The following MRPS5 variants were observed in gnomAD, a reference collection of about 807,000 sequenced individuals.
MRPS5 encodes the protein mitochondrial ribosomal protein S5.
A neutral mutation model predicts 51.9 loss-of-function variants in MRPS5; 27 were observed. That is an observed-to-expected ratio of 0.52 (90% CI 0.38 to 0.72). The LOEUF (loss-of-function observed/expected upper bound fraction) is 0.72, where lower values mean the gene tolerates loss of function less well. Ranked by LOEUF, MRPS5 falls within the 30% of genes least tolerant of loss-of-function variation. The pLI is 0.00. For missense variants in MRPS5, 570 were observed against 545.7 expected (o/e 1.04, Z -0.44); for synonymous variants, 196 against 193.2 (o/e 1.01, Z -0.12).
intron 5 of MRPS5, 25 bp from the exon 6 acceptor site, chr2:95,106,482 T>C: frequency 8.1e-6 from 13 of 1,598,050 alleles, no homozygotes; most frequent in Admixed American, 1.7e-5. Flanking sequence ...GAAACAGGGA[T>C]ACAGATGAAA....
intron 5 of MRPS5, 93 bp from the exon 6 acceptor site, chr2:95,106,550 CG>C: frequency 1.9e-6 from 2 of 1,056,334 alleles, no homozygotes; most frequent in Non-Finnish European, 3.0e-6. Context: ...ACAGACCTTT[CG>C]GGGAGAAAGA....
intron 2 of MRPS5, among the ~76,000 whole-genome samples, chr2:95,116,833 C>A (rs1676297669): frequency 1.3e-5 from 2 of 152,166 alleles, no homozygotes; most frequent in Non-Finnish European, 2.9e-5. Flanking sequence ...CCCGTCTCTA[C>A]TAAAAATACA....
chr2:95,089,693 G>C (rs1429160470), intron 11 of MRPS5, among the ~76,000 whole-genome samples: 1 of 152,194 alleles, frequency 6.6e-6, no homozygotes, highest in African/African-American at 2.4e-5. Flanking sequence ...TGTGTGCAGA[G>C]GTGCCCTGGG....
In MRPS5 at chr2:95,085,942, T is replaced by G. The variant is rs1454861213; in HGVS notation, c.*1415A>C. On this transcript the variant is annotated 3_prime_UTR_variant, in exon 12 of 12. Coordinates refer to ENST00000272418, the MANE Select transcript of MRPS5 (RefSeq NM_031902.5). ...TTTTTTTTTTTTTTTGGAGACAAGG[T>G]CTCACTCTGCCACCCAGGCTGGAGT... 6.7e-6 allele frequency among the ~76,000 whole-genome samples: 1 copy of G among 150,002 alleles called. No individual in the cohort carries two copies. The highest frequency in any genetic ancestry group is 2.5e-5 in the African/African-American group (1 of 40,698).
At chr2:95,117,755 G>C in intron 2 of MRPS5, 110 bp downstream of exon 2, 2 of 886,858 alleles carry the variant, frequency 2.3e-6, no homozygotes, top group Non-Finnish European at 3.5e-6. Flanking sequence ...AATGAAAAAA[G>C]AAAAGAGAGA....
At chr2:95,112,308 G>A (rs1235354689) in intron 3 of MRPS5, among the ~76,000 whole-genome samples, 7 of 151,936 alleles carry the variant, frequency 4.6e-5, no homozygotes, top group East Asian at 3.9e-4. Context: ...CAGGTGACCC[G>A]CCCACCTCAG....
At chr2:95,115,392 T>C (rs1340852980) in intron 2 of MRPS5, among the ~76,000 whole-genome samples, 189 bp from the exon 3 acceptor site, 1 of 152,136 alleles carries the variant, frequency 6.6e-6, no homozygotes, top group Non-Finnish European at 1.5e-5. Flanking sequence ...CCCAGCCTAG[T>C]TGGGAAAGTT....
intron 11 of MRPS5, among the ~76,000 whole-genome samples, chr2:95,089,333 C>T (rs990637041): frequency 1.3e-5 from 2 of 152,132 alleles, no homozygotes; most frequent in Non-Finnish European, 2.9e-5. Flanking sequence ...TAAAACCCAC[C>T]ACTGTACTCC....
intron 10 of MRPS5, among the ~76,000 whole-genome samples, chr2:95,100,264 T>C (rs1675757667): frequency 6.6e-6 from 1 of 152,230 alleles, no homozygotes; most frequent in Admixed American, 6.5e-5. Context: ...AAATTATTCC[T>C]GGAACAGGCC....
chr2:95,109,151 A>G (rs1175692948), intron 4 of MRPS5, among the ~76,000 whole-genome samples: 1 of 152,046 alleles, frequency 6.6e-6, no homozygotes, highest in Non-Finnish European at 1.5e-5. Flanking sequence ...TACATTTTTT[A>G]CTGAGAAAGT....
intron 10 of MRPS5, among the ~76,000 whole-genome samples, chr2:95,096,323 T>A (rs1675626652): frequency 6.6e-6 from 1 of 152,204 alleles, no homozygotes; most frequent in African/African-American, 2.4e-5. Flanking sequence ...GAATCCTCCC[T>A]AACTCATTTT....
chr2:95,086,808 A>G lies in MRPS5; in HGVS notation c.*549T>C, dbSNP rs1675303389. Reference sequence around the variant, plus strand: ...ACATATACAAATGGCCAATCAGCACATGAAAAGATGTTCAACATCATCAGC... The same window carrying G: ...ACATATACAAATGGCCAATCAGCACGTGAAAAGATGTTCAACATCATCAGC... On this transcript the variant is annotated 3_prime_UTR_variant, in exon 12 of 12. Transcript: ENST00000272418. Among the ~76,000 whole-genome samples, 1 of 152,234 alleles carries G rather than the reference A, an allele frequency of 6.6e-6. No homozygotes were observed. Among genetic ancestry groups the G allele is most frequent in the African/African-American group, 2.4e-5 (1 of 41,466 alleles).
At chr2:95,116,314 G>A (rs1676284690) in intron 2 of MRPS5, among the ~76,000 whole-genome samples, 1 of 151,438 alleles carries the variant, frequency 6.6e-6, no homozygotes, top group African/African-American at 2.4e-5. Context: ...ATTTAATCTT[G>A]TACTGTTTAG....
Position 95,121,692 on chromosome 2 carries a change from C to G in MRPS5, c.58+42G>C, listed in dbSNP as rs765409450. The G allele has an allele frequency of 2.6e-6, 4 of 1,522,560 alleles. No homozygotes were observed. In the African/African-American group the frequency reaches 5.7e-5, roughly 22 times the overall value. The allele number at this position is 1,522,560 out of a possible 1,614,324, so 94.3% of individuals were successfully genotyped here. ...AGGCCCCAGGCGAGCCCCCCACTCC[C>G]GGCCCGCTCAGAGCCCCTGCTCCCG... On this transcript the variant is annotated intron_variant, in intron 1 of 11. Transcript: ENST00000272418.
chr2:95,105,594 C>T (rs747680613), intron 6 of MRPS5, among the ~76,000 whole-genome samples: 3 of 151,920 alleles, frequency 2.0e-5, no homozygotes, highest in South Asian at 2.1e-4. Flanking sequence ...AAACTGCTTA[C>T]GTGGCAGCTG....
At chr2:95,102,946 A>T (rs1181048304) in intron 7 of MRPS5, among the ~76,000 whole-genome samples, 1 of 152,250 alleles carries the variant, frequency 6.6e-6, no homozygotes, top group Admixed American at 6.5e-5. Context: ...ATAAGATACA[A>T]GGGACCTCTG....
At chr2:95,099,271 T>A (rs1411731913) in intron 10 of MRPS5, among the ~76,000 whole-genome samples, 1 of 151,930 alleles carries the variant, frequency 6.6e-6, no homozygotes, top group Non-Finnish European at 1.5e-5. Flanking sequence ...CATTCAAACA[T>A]CATTGAGATA....
Position 95,121,759 on chromosome 2 carries a change from G to T in MRPS5, c.33C>A (p.Leu11=), listed in dbSNP as rs756227117. 6.4e-7 allele frequency: 1 copy of T among 1,554,210 alleles called. No individual in the cohort carries two copies. ...CTGCCGTCCCGCTACACAGCACGGGGAGGCAGCCCACAGCGCGCACCGCGG... is the reference window on the plus strand; with the variant it reads ...CTGCCGTCCCGCTACACAGCACGGGTAGGCAGCCCACAGCGCGCACCGCGG... MATAVRAVGC[L]PVLCSGTAGH... Residue 11 remains leucine, a synonymous_variant, in exon 1 of 12, where the codon CTC becomes CTA. Coordinates refer to ENST00000272418, the MANE Select transcript of MRPS5 (RefSeq NM_031902.5).
intron 6 of MRPS5, among the ~76,000 whole-genome samples, chr2:95,105,467 G>A (rs1196391335): frequency 2.6e-5 from 4 of 151,756 alleles, no homozygotes; most frequent in Admixed American, 1.3e-4. Context: ...GGAGAATGGC[G>A]TCAACCCGGG....
Sources: allele counts gnomAD v4.1 joint callset (sites outside exome capture counted in the v4.1 genomes callset), GRCh38; gene constraint gnomAD v4.1.1; transcripts MANE v1.5; gene names NCBI Gene and HGNC (gene_info 2026-07-23, HGNC 2026-07-21).